DSCAM: variants seen among roughly 807,000 people sequenced by gnomAD.
DSCAM encodes DS cell adhesion molecule.
In DSCAM, 47 loss-of-function variants were observed where a neutral mutation model predicts 217.7. The observed-to-expected ratio is 0.22, with a 90% CI of 0.17 to 0.28. DSCAM has a LOEUF of 0.28. DSCAM is among the 10% of genes least tolerant of loss of function. The pLI is 1.00. For missense variants in DSCAM, 2,080 were observed against 2,618.3 expected (o/e 0.79, Z 4.49); for synonymous variants, 1,056 against 1,015.3 (o/e 1.04, Z -0.76).
At chr21:40,520,678 G>A (rs1316681194) in intron 3 of DSCAM, among the ~76,000 whole-genome samples, 2 of 152,092 alleles carry the variant, frequency 1.3e-5, no homozygotes, top group African/African-American at 4.8e-5. Context: ...ATGGTGGTGT[G>A]TGCCTGTAGT....
At chr21:40,341,123 T>C (rs1161307985) in intron 6 of DSCAM, among the ~76,000 whole-genome samples, 1 of 152,248 alleles carries the variant, frequency 6.6e-6, no homozygotes, top group Non-Finnish European at 1.5e-5. Context: ...GTAAGCATTT[T>C]GTCTCTTACT....
intron 9 of DSCAM, among the ~76,000 whole-genome samples, chr21:40,301,916 A>G (rs1363213043): frequency 6.6e-6 from 1 of 152,142 alleles, no homozygotes; most frequent in Non-Finnish European, 1.5e-5. Context: ...ACAGCAGAAG[A>G]CAGCCTCATA....
chr21:40,552,177 G>C (rs1279745447), intron 3 of DSCAM, among the ~76,000 whole-genome samples: 1 of 152,124 alleles, frequency 6.6e-6, no homozygotes, highest in African/African-American at 2.4e-5. Context: ...AGCCAGGCAT[G>C]GTGGCGTGTG....
chr21:40,687,663 C>T (rs2146440146), intron 3 of DSCAM, among the ~76,000 whole-genome samples: 1 of 152,338 alleles, frequency 6.6e-6, no homozygotes, highest in East Asian at 1.9e-4. Context: ...CCTATAATCT[C>T]TTTTCCCCTC....
chr21:40,411,622 A>G (rs2075324069), intron 3 of DSCAM, among the ~76,000 whole-genome samples: 2 of 152,240 alleles, frequency 1.3e-5, no homozygotes, highest in Admixed American at 6.5e-5. Context: ...ACTACTCAAC[A>G]TAAGTTATAA....
At chr21:40,033,162 G>A (rs114463109) in intron 32 of DSCAM, among the ~76,000 whole-genome samples, 5 of 152,140 alleles carry the variant, frequency 3.3e-5, no homozygotes, top group South Asian at 2.1e-4. Context: ...TTGTGCCTGG[G>A]GGGGAGGAGC....
chr21:40,360,630 C>G (rs1389157528), intron 4 of DSCAM, among the ~76,000 whole-genome samples: 1 of 152,116 alleles, frequency 6.6e-6, no homozygotes, highest in Non-Finnish European at 1.5e-5. Flanking sequence ...CACATTGCTG[C>G]AAAGAATGAG....
chr21:40,054,937 T>A (rs948290504), intron 29 of DSCAM, among the ~76,000 whole-genome samples: 4 of 152,238 alleles, frequency 2.6e-5, no homozygotes, highest in African/African-American at 4.8e-5. Context: ...GAAGTGCTTA[T>A]AAAAACTATG....
At chr21:40,807,113 C>G (rs764585014) in intron 1 of DSCAM, among the ~76,000 whole-genome samples, 12 of 7,462 alleles carry the variant, frequency 1.6e-3, no homozygotes, top group African/African-American at 2.8e-3. Context: ...TATAATGAAT[C>G]AATCAATCAA....
At chr21:40,393,322 C>T (rs962134310) in intron 3 of DSCAM, among the ~76,000 whole-genome samples, 4 of 152,146 alleles carry the variant, frequency 2.6e-5, no homozygotes, top group South Asian at 2.1e-4. Context: ...AACAGCTCCA[C>T]GAACAGGGAA....
At chr21:40,660,637 G>A (rs1041374065) in intron 3 of DSCAM, among the ~76,000 whole-genome samples, 1 of 152,160 alleles carries the variant, frequency 6.6e-6, no homozygotes, top group South Asian at 2.1e-4. Context: ...CCGTGAGGGT[G>A]TAGAAAACAT....
At chr21:40,728,034 C>T (rs779840291) in intron 1 of DSCAM, among the ~76,000 whole-genome samples, 1 of 152,170 alleles carries the variant, frequency 6.6e-6, no homozygotes, top group African/African-American at 2.4e-5. Context: ...GCCGTCTCCC[C>T]CTCAGGGATG....
At chr21:40,717,944 A>T (rs2090859821) in intron 1 of DSCAM, among the ~76,000 whole-genome samples, 2 of 152,224 alleles carry the variant, frequency 1.3e-5, no homozygotes, top group Admixed American at 1.3e-4. Context: ...AAGCCTGGCT[A>T]GACTGCTCTG....
intron 3 of DSCAM, among the ~76,000 whole-genome samples, chr21:40,617,346 G>C (rs558336047): frequency 2.0e-5 from 3 of 151,976 alleles, no homozygotes; most frequent in African/African-American, 4.8e-5. Context: ...GGATGGTCTC[G>C]ATCTCCTGAC....
intron 3 of DSCAM, among the ~76,000 whole-genome samples, chr21:40,512,336 AT>A (rs1336858136): frequency 3.7e-4 from 56 of 152,124 alleles, no homozygotes; most frequent in African/African-American, 1.3e-3. Context: ...CACACTGGGG[AT>A]ACAACAGCAA....
chr21:40,083,715 G>A (rs1212282166), intron 24 of DSCAM, among the ~76,000 whole-genome samples, 193 bp downstream of exon 24: 1 of 152,186 alleles, frequency 6.6e-6, no homozygotes, highest in Non-Finnish European at 1.5e-5. Context: ...TTGGATGAAT[G>A]ATTTGAATTT....
chr21:40,040,016 C>CTAGT (rs1168633912), intron 32 of DSCAM, among the ~76,000 whole-genome samples: 3 of 152,176 alleles, frequency 2.0e-5, no homozygotes, highest in African/African-American at 4.8e-5. Flanking sequence ...ATCACAAGCT[C>CTAGT]TAGTTAGCAG....
chr21:40,584,259 G>C (rs185484817), intron 3 of DSCAM, among the ~76,000 whole-genome samples: 1 of 152,314 alleles, frequency 6.6e-6, no homozygotes, highest in Non-Finnish European at 1.5e-5. Context: ...TCCAGTTTCA[G>C]AGCCCTAGTT....
chr21:40,665,345 G>A (rs1229044372), intron 3 of DSCAM, among the ~76,000 whole-genome samples: 2 of 152,130 alleles, frequency 1.3e-5, no homozygotes, highest in African/African-American at 2.4e-5. Context: ...CTGGGAGACA[G>A]TATGTGAAAA....
Sources: allele counts gnomAD v4.1 joint callset (sites outside exome capture counted in the v4.1 genomes callset), GRCh38; gene constraint gnomAD v4.1.1; transcripts MANE v1.5; gene names NCBI Gene and HGNC (gene_info 2026-07-23, HGNC 2026-07-21).